The following PACS1 variants were observed in gnomAD, a reference collection of about 807,000 sequenced individuals.
PACS1 encodes the protein PACS-1.
PACS1 carries 24 observed loss-of-function variants against 115.0 expected under a neutral mutation model. The ratio of observed to expected loss-of-function variants is 0.21; its 90% confidence interval spans 0.15 to 0.29. The LOEUF (loss-of-function observed/expected upper bound fraction) is 0.29. Among genes scored for constraint, PACS1 ranks in the 10% least tolerant of loss-of-function variants. PACS1 has a pLI of 1.00. For missense variants in PACS1, 838 were observed against 1,251.2 expected (o/e 0.67, Z 4.98); for synonymous variants, 453 against 504.5 (o/e 0.90, Z 1.37).
At chr11:66,216,835 C>T (rs759490595) in intron 7 of PACS1, 60 bp downstream of exon 7, 4 of 1,210,126 alleles carry the variant, frequency 3.3e-6, no homozygotes, top group East Asian at 2.4e-5. Flanking sequence ...GGTAGGTTGG[C>T]AGCAGCATAT....
At position 66,166,450 on chromosome 11, in the gene PACS1, T is replaced by TTCCATTTTTCTAAACTATGCATTCGAAA. The variant is rs1565131120; in HGVS notation, c.357-27036_357-27035insTCCATTTTTCTAAACTATGCATTCGAAA. Among the ~76,000 whole-genome samples, 81 of 151,246 alleles carry TTCCATTTTTCTAAACTATGCATTCGAAA rather than the reference T, an allele frequency of 5.4e-4. 1 individual carries two copies. Among genetic ancestry groups the TTCCATTTTTCTAAACTATGCATTCGAAA allele is most frequent in the African/African-American group, 1.9e-3 (76 of 40,558 alleles). ...GCGTGAGCCACCATGCACAGCCTGA[T>TTCCATTTTTCTAAACTATGCATTCGAAA]GTCACATCTTACAGCTGTCGTCATT... On this transcript the variant is annotated intron_variant, in intron 1 of 23. Coordinates refer to ENST00000320580, the MANE Select transcript of PACS1 (RefSeq NM_018026.4).
At chr11:66,137,821 A>T (rs1858882299) in intron 1 of PACS1, among the ~76,000 whole-genome samples, 1 of 152,260 alleles carries the variant, frequency 6.6e-6, no homozygotes, top group African/African-American at 2.4e-5. Context: ...ACTAAATTTG[A>T]GCATCCCTTC....
At chr11:66,134,179 C>T (rs1465170883) in intron 1 of PACS1, among the ~76,000 whole-genome samples, 4 of 151,736 alleles carry the variant, frequency 2.6e-5, no homozygotes, top group African/African-American at 9.7e-5. Context: ...GTGCTGCTGC[C>T]CTCGACTGTT....
intron 1 of PACS1, among the ~76,000 whole-genome samples, chr11:66,103,106 C>G (rs1198501707): frequency 1.3e-5 from 2 of 152,240 alleles, no homozygotes; most frequent in African/African-American, 4.8e-5. Context: ...GCTGGGATTA[C>G]AGGCATGAGC....
intron 14 of PACS1, 83 bp from the exon 15 acceptor site, chr11:66,232,877 C>A: frequency 9.8e-7 from 1 of 1,021,832 alleles, no homozygotes; most frequent in South Asian, 1.4e-5. Flanking sequence ...GCAGCTCGGT[C>A]TGGGTCTCAC....
At chr11:66,184,113 G>T (rs1860066102) in intron 1 of PACS1, among the ~76,000 whole-genome samples, 1 of 151,738 alleles carries the variant, frequency 6.6e-6, no homozygotes, top group African/African-American at 2.4e-5. Context: ...CCCTTTTTCT[G>T]TGCAAAATTT....
chr11:66,239,233 CCCT>C lies in PACS1; in HGVS notation c.2388_2390del (p.Pro797del). 6.2e-7 allele frequency: 1 copy of C among 1,613,878 alleles called. No homozygotes were observed. ...GCCTGAGCCGAGACGCCACGGCCAC[CCCT>C]CCCTCCTCCCCATCTATGAGCAGCG... On this transcript the variant is annotated inframe_deletion, in exon 21 of 24. Coordinates refer to ENST00000320580, the MANE Select transcript of PACS1 (RefSeq NM_018026.4).
intron 1 of PACS1, among the ~76,000 whole-genome samples, chr11:66,115,142 A>C (rs1430308511): frequency 6.6e-6 from 1 of 151,096 alleles, no homozygotes; most frequent in Non-Finnish European, 1.5e-5. Context: ...CTGGGAGGTC[A>C]AGGCTGCAGT....
intron 1 of PACS1, among the ~76,000 whole-genome samples, chr11:66,180,360 T>G (rs72936640): frequency 0.058 from 8,822 of 151,522 alleles, 380 homozygotes; most frequent in African/African-American, 0.11. Flanking sequence ...GCTTTTTTTT[T>G]TGTGTGTGTG....
At chr11:66,090,419 C>T (rs1857641739) in intron 1 of PACS1, among the ~76,000 whole-genome samples, 1 of 151,852 alleles carries the variant, frequency 6.6e-6, no homozygotes. Context: ...ACTACAGGCC[C>T]GTGCTGCCAC....
intron 1 of PACS1, among the ~76,000 whole-genome samples, chr11:66,077,502 A>C (rs893055497): frequency 1.3e-5 from 2 of 152,210 alleles, no homozygotes; most frequent in Admixed American, 6.5e-5. Flanking sequence ...TCGAGGCTTC[A>C]GTGAGCCATG....
At chr11:66,129,872 A>G (rs930072225) in intron 1 of PACS1, among the ~76,000 whole-genome samples, 1 of 152,224 alleles carries the variant, frequency 6.6e-6, no homozygotes, top group African/African-American at 2.4e-5. Context: ...TTTTTATGCT[A>G]GAATAAATGA....
At chr11:66,132,073 T>C (rs990996727) in intron 1 of PACS1, among the ~76,000 whole-genome samples, 3 of 152,138 alleles carry the variant, frequency 2.0e-5, no homozygotes, top group African/African-American at 7.2e-5. Flanking sequence ...CTGATATAGG[T>C]TAGCTGTGTG....
intron 1 of PACS1, among the ~76,000 whole-genome samples, chr11:66,104,856 A>T (rs564680851): frequency 6.6e-6 from 1 of 152,286 alleles, no homozygotes; most frequent in South Asian, 2.1e-4. Context: ...GTGAAATCAG[A>T]GGTTTTTGTC....
chr11:66,230,448 C>A, intron 11 of PACS1, 100 bp from the exon 12 acceptor site: 1 of 772,678 alleles, frequency 1.3e-6, no homozygotes, highest in Non-Finnish European at 2.2e-6. Context: ...ATGAGTAACT[C>A]TCTCTTCAGG....
intron 1 of PACS1, among the ~76,000 whole-genome samples, chr11:66,169,898 G>T (rs1363123983): frequency 1.3e-5 from 2 of 150,340 alleles, no homozygotes; most frequent in Non-Finnish European, 2.9e-5. Context: ...AGATTAAAAT[G>T]ATATTTTCTT....
At chr11:66,075,380 A>G (rs113747739) in intron 1 of PACS1, among the ~76,000 whole-genome samples, 38 of 152,072 alleles carry the variant, frequency 2.5e-4, no homozygotes, top group African/African-American at 8.9e-4. Context: ...AGCTGGGACC[A>G]TAGGCACTTG....
chr11:66,212,323 G>A (rs534727238), intron 4 of PACS1, among the ~76,000 whole-genome samples: 9 of 151,162 alleles, frequency 6.0e-5, no homozygotes, highest in East Asian at 1.9e-4. Flanking sequence ...TAGTAGAGAC[G>A]GGGTTTCACC....
chr11:66,074,965 T>C (rs1359449986), intron 1 of PACS1, among the ~76,000 whole-genome samples: 1 of 112,450 alleles, frequency 8.9e-6, no homozygotes, highest in Admixed American at 1.2e-4. Flanking sequence ...TTTTTTGAGA[T>C]GGAGTCTCGC....
Sources: gnomAD v4.1 joint callset for allele counts (sites outside exome capture counted in the v4.1 genomes callset) on GRCh38, gnomAD v4.1.1 for gene constraint, MANE v1.5 for transcripts, NCBI Gene and HGNC (gene_info 2026-07-23, HGNC 2026-07-21) for gene names.